Variants in HS3ST5 observed in about 807,000 individuals in gnomAD.
The protein encoded by HS3ST5 is heparan sulfate-glucosamine 3-sulfotransferase 5, also known as heparan sulfate glucosamine 3-O-sulfotransferase 5.
Under a neutral mutation model 25.4 loss-of-function variants are expected in HS3ST5, and 10 were observed. The observed-to-expected ratio is 0.39, with a 90% CI of 0.24 to 0.67. The LOEUF is 0.67. Ranked by LOEUF, HS3ST5 falls within the 30% of genes least tolerant of loss-of-function variation. The pLI, the probability that HS3ST5 is intolerant of heterozygous loss-of-function variation, is 0.44. For synonymous variants in HS3ST5, 170 were observed against 162.4 expected, an observed-to-expected ratio of 1.05 and a Z score of -0.36; for missense variants, 324 against 420.7, an observed-to-expected ratio of 0.77 and a Z score of 2.01.
Position 114,056,980 on chromosome 6 carries a change from CTT to C in HS3ST5, c.*275_*276del, listed in dbSNP as rs986734407. On this transcript the variant is annotated 3_prime_UTR_variant, in exon 5 of 5. Transcript: ENST00000312719. ...ATTCTGAATCAAAGGAAGACTAACTCTTTGAGAATAGCTGAAGTCACTTTCCC... is the reference window on the plus strand; with the variant it reads ...ATTCTGAATCAAAGGAAGACTAACTCTGAGAATAGCTGAAGTCACTTTCCC... 1.0e-4 allele frequency: 32 copies of C among 321,518 alleles called. No individual in the cohort carries two copies. Among genetic ancestry groups the C allele is most frequent in the African/African-American group, 6.6e-4 (31 of 47,270 alleles). 19.9% of individuals were successfully genotyped at this position (321,518 alleles called of 1,614,324 possible).
At chr6:114,172,003 C>T (rs1187750052) in intron 2 of HS3ST5, among the ~76,000 whole-genome samples, 1 of 152,176 alleles carries the variant, frequency 6.6e-6, no homozygotes, top group African/African-American at 2.4e-5. Flanking sequence ...TATTCTCCAA[C>T]AAACCTCTAT....
intron 1 of HS3ST5, among the ~76,000 whole-genome samples, chr6:114,326,060 CTGACT>C: frequency 6.6e-6 from 1 of 151,486 alleles, no homozygotes; most frequent in African/African-American, 2.4e-5. Context: ...ACTTTCTCAC[CTGACT>C]CCTTGAAGCC....
intron 1 of HS3ST5, among the ~76,000 whole-genome samples, chr6:114,261,729 T>C (rs528264235): frequency 1.7e-4 from 26 of 152,346 alleles, no homozygotes; most frequent in Non-Finnish European, 2.6e-4. Context: ...TTACATTAGA[T>C]ATGTCCTCCA....
chr6:114,239,744 T>C (rs2114577186), intron 1 of HS3ST5, among the ~76,000 whole-genome samples: 1 of 152,268 alleles, frequency 6.6e-6, no homozygotes, highest in Non-Finnish European at 1.5e-5. Context: ...TCTGAAAGAC[T>C]GCCTAACTCT....
chr6:114,156,478 G>A (rs1016608303), intron 3 of HS3ST5, among the ~76,000 whole-genome samples: 2 of 152,100 alleles, frequency 1.3e-5, no homozygotes, highest in Admixed American at 6.5e-5. Flanking sequence ...AACAGACAAC[G>A]GATAGTGTAA....
chr6:114,148,312 C>T (rs942370994), intron 3 of HS3ST5, among the ~76,000 whole-genome samples: 1 of 152,020 alleles, frequency 6.6e-6, no homozygotes, highest in Non-Finnish European at 1.5e-5. Context: ...AATGTAAAAC[C>T]CCAAACCATA....
chr6:114,321,504 G>T (rs1352815357), intron 1 of HS3ST5, among the ~76,000 whole-genome samples: 1 of 152,016 alleles, frequency 6.6e-6, no homozygotes, highest in Non-Finnish European at 1.5e-5. Context: ...CACATTCTCT[G>T]TAAGACTGTA....
intron 3 of HS3ST5, among the ~76,000 whole-genome samples, chr6:114,104,219 A>G (rs1390712743): frequency 6.6e-6 from 1 of 152,206 alleles, no homozygotes; most frequent in African/African-American, 2.4e-5. Context: ...TGTAAAAAAT[A>G]CTAATGACTA....
chr6:114,135,170 G>C (rs1777532213), intron 3 of HS3ST5, among the ~76,000 whole-genome samples: 1 of 152,354 alleles, frequency 6.6e-6, no homozygotes, highest in Admixed American at 6.5e-5. Context: ...ATACCTGCAG[G>C]CTGCAGAGGT....
intron 3 of HS3ST5, among the ~76,000 whole-genome samples, chr6:114,168,075 C>G (rs965703127): frequency 6.6e-6 from 1 of 151,940 alleles, no homozygotes; most frequent in African/African-American, 2.4e-5. Flanking sequence ...AAACAACACA[C>G]GCAAAAGAAA....
At chr6:114,103,857 ATT>A (rs71553394) in intron 3 of HS3ST5, among the ~76,000 whole-genome samples, 30 of 107,142 alleles carry the variant, frequency 2.8e-4, no homozygotes, top group African/African-American at 1.1e-3. Flanking sequence ...CACCTGGCTA[ATT>A]TTTTTTTTTT....
intron 1 of HS3ST5, among the ~76,000 whole-genome samples, chr6:114,337,900 A>C (rs1394326992): frequency 6.6e-6 from 1 of 152,110 alleles, no homozygotes; most frequent in African/African-American, 2.4e-5. Context: ...CACCTTCCTC[A>C]ACTCCTAAAT....
intron 3 of HS3ST5, among the ~76,000 whole-genome samples, chr6:114,129,468 G>C (rs1777222238): frequency 6.6e-6 from 1 of 152,048 alleles, no homozygotes. Flanking sequence ...TGTTAGCCAG[G>C]ATGGTCTCGA....
intron 4 of HS3ST5, chr6:114,059,598 T>C (rs1408543210): frequency 1.3e-5 from 2 of 152,122 alleles, no homozygotes; most frequent in Non-Finnish European, 1.5e-5. Context: ...GTTTTCATGA[T>C]AGTGAGTTCT....
chr6:114,088,025 A>G (rs1362991573), intron 3 of HS3ST5, among the ~76,000 whole-genome samples: 1 of 152,222 alleles, frequency 6.6e-6, no homozygotes, highest in Admixed American at 6.5e-5. Context: ...TCAAAGACAT[A>G]GTATGAAAAA....
At chr6:114,120,924 C>T (rs1440031261) in intron 3 of HS3ST5, among the ~76,000 whole-genome samples, 1 of 152,072 alleles carries the variant, frequency 6.6e-6, no homozygotes, top group Non-Finnish European at 1.5e-5. Flanking sequence ...GTAATGTACA[C>T]CTATAATTGG....
intron 1 of HS3ST5, among the ~76,000 whole-genome samples, chr6:114,282,799 C>A (rs750022103): frequency 2.0e-5 from 3 of 151,968 alleles, no homozygotes; most frequent in Non-Finnish European, 4.4e-5. Context: ...AGCTAGACAA[C>A]AATAAATCAT....
At chr6:114,333,853 T>C (rs916550342) in intron 1 of HS3ST5, among the ~76,000 whole-genome samples, 15 of 152,162 alleles carry the variant, frequency 9.9e-5, no homozygotes, top group Admixed American at 3.9e-4. Flanking sequence ...AGAGCTAAGT[T>C]GGTATCACAC....
chr6:114,175,613 G>C (rs1389954274), intron 2 of HS3ST5, among the ~76,000 whole-genome samples: 1 of 152,162 alleles, frequency 6.6e-6, no homozygotes, highest in Non-Finnish European at 1.5e-5. Context: ...TCAGGTAGGG[G>C]AGGGCACGTG....
Sources: allele counts gnomAD v4.1 joint callset (sites outside exome capture counted in the v4.1 genomes callset), GRCh38; gene constraint gnomAD v4.1.1; transcripts MANE v1.5; gene names NCBI Gene and HGNC (gene_info 2026-07-23, HGNC 2026-07-21).